The following FAM228B variants were observed in gnomAD, a reference collection of about 807,000 sequenced individuals.
FAM228B encodes family with sequence similarity 228 member B.
In FAM228B, 38 loss-of-function variants were observed where a neutral mutation model predicts 42.6. The ratio of observed to expected loss-of-function variants is 0.89; its 90% CI spans 0.69 to 1.17. The LOEUF (loss-of-function observed/expected upper bound fraction) is 1.17. FAM228B is among the 50% of genes most tolerant of loss of function. FAM228B has a pLI of 0.00. For missense variants in FAM228B, 344 were observed against 367.3 expected (o/e 0.94, Z 0.52); for synonymous variants, 109 against 122.3 (o/e 0.89, Z 0.72).
intron 2 of FAM228B, among the ~76,000 whole-genome samples, chr2:24,088,643 G>A (rs1391777396): frequency 2.0e-5 from 3 of 152,172 alleles, no homozygotes; most frequent in Admixed American, 6.5e-5. Flanking sequence ...GAGCCACCGC[G>A]CCCGGCCTAT....
At chr2:24,150,100 G>T (rs1666991762) in intron 7 of FAM228B, among the ~76,000 whole-genome samples, 1 of 136,134 alleles carries the variant, frequency 7.3e-6, no homozygotes, top group Admixed American at 8.2e-5. Context: ...TCATCATTTA[G>T]TCTTTCTATT....
chr2:24,082,469 T>C (rs1352335533), intron 2 of FAM228B, among the ~76,000 whole-genome samples: 2 of 152,238 alleles, frequency 1.3e-5, no homozygotes, highest in African/African-American at 2.4e-5. Context: ...ATATGTTGCC[T>C]TCTCAGTTAC....
chr2:24,162,806 T>C (rs1282047487), intron 8 of FAM228B, among the ~76,000 whole-genome samples: 1 of 152,162 alleles, frequency 6.6e-6, no homozygotes, highest in Admixed American at 6.5e-5. Flanking sequence ...TTGTACTCAG[T>C]GAAGGAAGCC....
chr2:24,138,186 C>A, intron 4 of FAM228B, 86 bp downstream of exon 4: 2 of 1,020,250 alleles, frequency 2.0e-6, no homozygotes, highest in Non-Finnish European at 2.9e-6. Flanking sequence ...GTCAGTCTGT[C>A]CCTGTCCCCT....
chr2:24,110,513 A>G (rs553498112), intron 3 of FAM228B, among the ~76,000 whole-genome samples: 1 of 152,336 alleles, frequency 6.6e-6, no homozygotes, highest in South Asian at 2.1e-4. Context: ...TTATGCCTAC[A>G]TAACAGAAGC....
rs565929756 is a variant in FAM228B, at chr2:24,080,263, G to A, written c.-289-613G>A. On this transcript the variant is annotated intron_variant, in intron 1 of 10. Transcript: ENST00000613899. The surrounding 1 kb of genome is among the most constrained non-coding windows in gnomAD (Gnocchi z 4.7). ...TCAGCTACTCAGGAGGCTAAGGCTG[G>A]AGAATCACTTGAACCTGGGAGGCGG... Among the ~76,000 whole-genome samples, 8 of 152,100 alleles carry A rather than the reference G, an allele frequency of 5.3e-5. No individual in the cohort carries two copies. In the South Asian group the frequency reaches 1.7e-3, roughly 32 times the overall value.
At chr2:24,104,855 GC>G (rs1041979954) in intron 3 of FAM228B, among the ~76,000 whole-genome samples, 2 of 152,164 alleles carry the variant, frequency 1.3e-5, no homozygotes, top group Non-Finnish European at 2.9e-5. Context: ...AGAGCTTCTG[GC>G]CCAGCAGTCC....
At chr2:24,088,169 C>T (rs957103190) in intron 2 of FAM228B, among the ~76,000 whole-genome samples, 7 of 151,980 alleles carry the variant, frequency 4.6e-5, no homozygotes, top group South Asian at 2.1e-4. Flanking sequence ...TGAGCCACTG[C>T]GCCTGGCCCT....
intron 5 of FAM228B, among the ~76,000 whole-genome samples, chr2:24,141,469 C>A (rs1182723332): frequency 1.3e-5 from 2 of 152,188 alleles, no homozygotes; most frequent in Non-Finnish European, 2.9e-5. Flanking sequence ...TGGTCTCAAT[C>A]TCCTGACCTC....
Position 24,115,683 on chromosome 2 carries a change from T to G in FAM228B, c.-120-19436T>G, listed in dbSNP as rs981863561. On this transcript the variant is annotated intron_variant, in intron 3 of 10. Coordinates refer to the FAM228B transcript ENST00000613899. ...CACTACAAATGATTCATTCATCCAT[T>G]TATTATTCCACAAACATTGCCAGGT... is the stretch of plus-strand genomic sequence containing the variant. 2.6e-6 allele frequency: 4 copies of G among 1,528,714 alleles called. No homozygotes were observed. In the African/African-American group the frequency reaches 5.5e-5, roughly 21 times the overall value. The allele number at this position is 1,528,714 out of a possible 1,614,324, so 94.7% of individuals were successfully genotyped here. A position where few individuals can be genotyped will look rare whatever the true frequency, so the allele number is the denominator to read the frequency against.
chr2:24,153,000 G>C (rs1277605757), intron 7 of FAM228B, among the ~76,000 whole-genome samples: 2 of 152,104 alleles, frequency 1.3e-5, no homozygotes, highest in African/African-American at 4.8e-5. Context: ...GATTCTGCCA[G>C]GTCACCACCG....
Position 24,124,417 on chromosome 2 carries a change from G to A in FAM228B, c.56G>A (p.Ser19Asn), listed in dbSNP as rs1280760247. The stretch of plus-strand genomic sequence containing the variant: ...ACTGGCACACTTCCCAAGCTCAAGA[G>A]CTCAAAAGAATGGTTGGAGCCCAAG... ...LVTGTLPKLK[S>N]SKEWLEPKPL... The change falls in exon 2 of 11, where the codon AGC becomes AAC. Residue 19 changes from serine (S) to asparagine (N), a missense_variant. Physicochemically the swap from Ser to Asn is conservative, Grantham distance 46. Coordinates refer to ENST00000615575, the MANE Select transcript of FAM228B (RefSeq NM_001145710.2). 7.1e-6 allele frequency: 11 copies of A among 1,551,844 alleles called. No homozygotes were observed. In the African/African-American group the frequency reaches 1.2e-4, roughly 17 times the overall value.
intron 2 of FAM228B, among the ~76,000 whole-genome samples, chr2:24,128,895 T>C (rs2151014723): frequency 6.6e-6 from 1 of 152,078 alleles, no homozygotes; most frequent in Non-Finnish European, 1.5e-5. Context: ...CCAAATACTC[T>C]ACTCTATGCA....
chr2:24,127,247 G>A (rs150690461), intron 2 of FAM228B, among the ~76,000 whole-genome samples: 18 of 152,216 alleles, frequency 1.2e-4, no homozygotes, highest in African/African-American at 4.1e-4. Context: ...TGTTTTCAAG[G>A]TTTGTCCGTG....
At position 24,077,671 on chromosome 2, in the gene FAM228B, T is replaced by C. The variant is rs769209087; in HGVS notation, c.-290+702T>C. On this transcript the variant is annotated intron_variant, in intron 1 of 10. Transcript: ENST00000613899. This position sits in a 1 kb window ranked among gnomAD's most constrained non-coding sequence, Gnocchi z 5.5. Reference sequence around the variant, plus strand: ...TGGATTTCGGTCACTGGGTAGATTCTGTCCAGAACCGGCAGCAGACGTTGG... The same window carrying C: ...TGGATTTCGGTCACTGGGTAGATTCCGTCCAGAACCGGCAGCAGACGTTGG... The C allele has an allele frequency of 6.8e-6, 11 of 1,613,992 alleles. No individual in the cohort carries two copies. The highest frequency in any genetic ancestry group is 8.5e-6 in the Non-Finnish European group (10 of 1,180,004).
chr2:24,126,870 C>A (rs143425506), intron 2 of FAM228B, among the ~76,000 whole-genome samples: 3 of 152,102 alleles, frequency 2.0e-5, no homozygotes, highest in Non-Finnish European at 2.9e-5. Flanking sequence ...ATGATCTGCC[C>A]GCCTCGGCCT....
Position 24,146,786 on chromosome 2 carries a change from A to C in FAM228B, c.480A>C (p.Ala160=), listed in dbSNP as rs61750463. The C allele has an allele frequency of 1.9e-3, 2,899 of 1,550,352 alleles. 43 individuals are homozygous for C. In the African/African-American group the frequency reaches 0.036, roughly 19 times the overall value. ...CATTTCATGACCCTTTGAAAAAAGC[A>C]CAATATGACAAGGATAACGAAAAAA... ...IPPFHDPLKK[A]QYDKDNEKRT... The change falls in exon 6 of 11, where the codon GCA becomes GCC. Residue 160 remains alanine, a synonymous_variant. Coordinates refer to ENST00000615575, the MANE Select transcript of FAM228B (RefSeq NM_001145710.2).
intron 9 of FAM228B, chr2:24,166,076 T>C (rs1667404013): frequency 6.9e-6 from 1 of 145,946 alleles, no homozygotes; most frequent in South Asian, 2.2e-4. Context: ...TATATATGTA[T>C]GTATTCACAT....
chr2:24,092,171 A>G (rs1315206899), intron 2 of FAM228B, among the ~76,000 whole-genome samples: 1 of 144,006 alleles, frequency 6.9e-6, no homozygotes, highest in East Asian at 2.0e-4. Flanking sequence ...GGTTGCATTG[A>G]TCATACCACT....
Sources: allele counts gnomAD v4.1 joint callset (sites outside exome capture counted in the v4.1 genomes callset), GRCh38; gene constraint gnomAD v4.1.1; non-coding constraint Gnocchi (gnomAD v3.1); transcripts MANE v1.5; gene names NCBI Gene and HGNC (gene_info 2026-07-23, HGNC 2026-07-21).